PFDN2: variants seen among roughly 807,000 people sequenced by gnomAD.
PFDN2 encodes the protein prefoldin subunit 2, also known as prefoldin 2.
Under a neutral mutation model 18.3 loss-of-function variants are expected in PFDN2, and 7 were observed. The observed-to-expected ratio is 0.38, with a 90% CI of 0.22 to 0.72. PFDN2 has a LOEUF of 0.72. Among genes scored for constraint, PFDN2 ranks in the 30% least tolerant of loss-of-function variants. The probability of loss-of-function intolerance (pLI) is 0.47; values close to 1 mark genes in which losing one functional copy is unlikely to be tolerated. For synonymous variants in PFDN2, 76 were observed against 75.0 expected, an observed-to-expected ratio of 1.01 and a Z score of -0.07; for missense variants, 181 against 199.1, an observed-to-expected ratio of 0.91 and a Z score of 0.55.
At chr1:161,114,974 C>T (rs1289799913) in intron 1 of PFDN2, among the ~76,000 whole-genome samples, 1 of 152,184 alleles carries the variant, frequency 6.6e-6, no homozygotes, top group African/African-American at 2.4e-5. Context: ...AAGACAAAGT[C>T]TGTTTCATGT....
At position 161,102,478 on chromosome 1, in the gene PFDN2, C is replaced by T. The variant is rs778571292; in HGVS notation, c.76-103G>A. The stretch of plus-strand genomic sequence containing the variant: ...CTTTACAAAGGTGCAGTAGTGGGCA[C>T]CTACCTTGGAAAAGGAGTAGAACCA... On this transcript the variant is annotated intron_variant, in intron 1 of 3. Transcript: ENST00000368010. 6.2e-6 allele frequency: 5 copies of T among 801,302 alleles called. No individual in the cohort carries two copies. In the Admixed American group the frequency reaches 7.3e-5, roughly 12 times the overall value. The allele number at this position is 801,302 out of a possible 1,614,324, so 49.6% of individuals were successfully genotyped here.
chr1:161,106,420 G>C (rs1288746927), intron 1 of PFDN2, among the ~76,000 whole-genome samples: 1 of 152,130 alleles, frequency 6.6e-6, no homozygotes, highest in South Asian at 2.1e-4. Context: ...GGTCTGCCAG[G>C]TAATGAAAAC....
chr1:161,117,941 C>A lies in PFDN2; in HGVS notation c.75+11G>T. ...AGGTGGGTACCCTGCTTCGCGTTAG[C>A]CACTCCTCACCTGCTCTGCGGACAC... On this transcript the variant is annotated intron_variant, in intron 1 of 3. Transcript: ENST00000368010. The A allele has an allele frequency of 6.2e-7, 1 of 1,605,494 alleles. No homozygotes were observed.
At chr1:161,108,569 A>C (rs150731410) in intron 1 of PFDN2, among the ~76,000 whole-genome samples, 2,176 of 152,116 alleles carry the variant, frequency 0.014, 29 homozygotes, top group Non-Finnish European at 0.022. Context: ...CATCTCAAAA[A>C]AAAAAACAAA....
At chr1:161,116,186 C>T (rs1439898629) in intron 1 of PFDN2, among the ~76,000 whole-genome samples, 4 of 152,032 alleles carry the variant, frequency 2.6e-5, no homozygotes, top group East Asian at 1.9e-4. Context: ...GCTATCATCA[C>T]GCCATTGCAC....
chr1:161,115,156 G>A (rs1389323691), intron 1 of PFDN2, among the ~76,000 whole-genome samples: 4 of 152,224 alleles, frequency 2.6e-5, no homozygotes, highest in African/African-American at 4.8e-5. Context: ...TCTGCCTCCC[G>A]GATTCAAGCG....
At chr1:161,111,031 G>A (rs1242007538) in intron 1 of PFDN2, among the ~76,000 whole-genome samples, 2 of 151,910 alleles carry the variant, frequency 1.3e-5, no homozygotes, top group South Asian at 2.1e-4. Context: ...TAGTAGAGAT[G>A]TGGTTTCACC....
chr1:161,100,757 C>T lies in PFDN2; in HGVS notation c.391G>A (p.Glu131Lys). Residue 131 changes from glutamate to lysine, a missense_variant, in exon 4 of 4, where the codon GAG becomes AAG. Glu to Lys is a moderately conservative substitution (Grantham distance 56). Transcript: ENST00000368010. ...KHNIRLMGED[E>K]KPAAKENSEG... Reference sequence around the variant, plus strand: ...GAGTTTTCCTTGGCTGCTGGCTTCTCATCTTCTCCCATGAGACGAATGTTG... The same window carrying T: ...GAGTTTTCCTTGGCTGCTGGCTTCTTATCTTCTCCCATGAGACGAATGTTG... 1.9e-6 allele frequency: 3 copies of T among 1,614,112 alleles called. No individual in the cohort carries two copies. The highest frequency in any genetic ancestry group is 2.5e-6 in the Non-Finnish European group (3 of 1,179,928).
chr1:161,111,545 C>T (rs1654809817), intron 1 of PFDN2, among the ~76,000 whole-genome samples: 1 of 152,166 alleles, frequency 6.6e-6, no homozygotes, highest in African/African-American at 2.4e-5. Flanking sequence ...AAAATGTCTC[C>T]AGACACTGCC....
chr1:161,114,334 A>AG (rs1654864760), intron 1 of PFDN2, among the ~76,000 whole-genome samples: 1 of 152,242 alleles, frequency 6.6e-6, no homozygotes, highest in East Asian at 1.9e-4. Flanking sequence ...CCTGAGAGAC[A>AG]TCTTATATTC....
chr1:161,105,685 C>T (rs1294038719), intron 1 of PFDN2, among the ~76,000 whole-genome samples: 1 of 152,148 alleles, frequency 6.6e-6, no homozygotes, highest in Admixed American at 6.5e-5. Context: ...TCTTGAACTC[C>T]TGACCTCAGG....
intron 1 of PFDN2, among the ~76,000 whole-genome samples, chr1:161,104,452 T>C (rs187214834): frequency 2.6e-5 from 4 of 151,654 alleles, no homozygotes; most frequent in Admixed American, 2.0e-4. Context: ...TTTTTCTTTT[T>C]TTTTTTTTTT....
At chr1:161,110,909 G>A (rs1466526722) in intron 1 of PFDN2, among the ~76,000 whole-genome samples, 2 of 140,806 alleles carry the variant, frequency 1.4e-5, no homozygotes, top group African/African-American at 5.3e-5. Flanking sequence ...GCATGATATC[G>A]GCTCACTGCA....
chr1:161,104,276 A>C (rs1171844359), intron 1 of PFDN2, among the ~76,000 whole-genome samples: 1 of 151,870 alleles, frequency 6.6e-6, no homozygotes, highest in Non-Finnish European at 1.5e-5. Context: ...GCCCCTTTAG[A>C]CTCTCCTGGT....
intron 1 of PFDN2, among the ~76,000 whole-genome samples, chr1:161,107,010 A>C (rs1423078508): frequency 6.7e-6 from 1 of 149,316 alleles, no homozygotes; most frequent in Non-Finnish European, 1.5e-5. Flanking sequence ...GGGTTTTGCC[A>C]TATTGCCCAG....
intron 1 of PFDN2, among the ~76,000 whole-genome samples, chr1:161,107,148 G>A (rs1654693455): frequency 1.3e-5 from 2 of 152,290 alleles, no homozygotes; most frequent in East Asian, 3.9e-4. Context: ...AACTAGGGCC[G>A]GGCATGATGG....
At chr1:161,104,447 C>CT (rs550881339) in intron 1 of PFDN2, among the ~76,000 whole-genome samples, 4,778 of 137,732 alleles carry the variant, frequency 0.035, 95 homozygotes, top group East Asian at 0.069. Context: ...TTTTCTTTTT[C>CT]TTTTTTTTTT....
intron 1 of PFDN2, among the ~76,000 whole-genome samples, chr1:161,103,909 C>T (rs1654630135): frequency 6.6e-6 from 1 of 152,064 alleles, no homozygotes; most frequent in Admixed American, 6.6e-5. Context: ...TTTATTGGCT[C>T]TATGGCCTGG....
intron 1 of PFDN2, among the ~76,000 whole-genome samples, chr1:161,109,583 G>T (rs1369230056): frequency 2.0e-5 from 3 of 152,124 alleles, no homozygotes; most frequent in Admixed American, 2.0e-4. Flanking sequence ...TATATGCCAG[G>T]CACTGTGCTA....
Sources: gnomAD v4.1 joint callset for allele counts (sites outside exome capture counted in the v4.1 genomes callset) on GRCh38, gnomAD v4.1.1 for gene constraint, MANE v1.5 for transcripts, NCBI Gene and HGNC (gene_info 2026-07-23, HGNC 2026-07-21) for gene names.